Variants in RPTOR observed in about 807,000 individuals in gnomAD.
RPTOR encodes regulatory associated protein of MTOR complex 1, also known as regulatory-associated protein of mTOR.
A neutral mutation model predicts 169.9 loss-of-function variants in RPTOR; 21 were observed. That is an observed-to-expected ratio of 0.12 (90% CI 0.09 to 0.18). RPTOR has a LOEUF of 0.18. Among genes scored for constraint, RPTOR ranks in the 10% least tolerant of loss-of-function variants. The probability of loss-of-function intolerance (pLI) is 1.00; values close to 1 mark genes in which losing one functional copy is unlikely to be tolerated. For missense variants in RPTOR, 1,133 were observed against 1,855.9 expected, an observed-to-expected ratio of 0.61 and a Z score of 7.16; for synonymous variants, 732 against 753.2, an observed-to-expected ratio of 0.97 and a Z score of 0.46.
chr17:80,877,851 G>A (rs142304635), intron 13 of RPTOR, among the ~76,000 whole-genome samples: 3 of 152,150 alleles, frequency 2.0e-5, no homozygotes, highest in South Asian at 2.1e-4. Flanking sequence ...CTGACCACCC[G>A]CTCCCCATCG....
rs78242822 is a variant in RPTOR at position 80,746,849 on chromosome 17, T to C, written c.655-7161T>C. 1.3e-5 allele frequency among the ~76,000 whole-genome samples: 2 copies of C among 150,882 alleles called. No homozygotes were observed. Among genetic ancestry groups the C allele is most frequent in the Non-Finnish European group, 3.0e-5 (2 of 67,586 alleles). ...CATCTGTTGAAATAGTTTTTTTTTTTCCCTTGGGTTAGCAATCCTGAAGAA... is the reference window on the plus strand; with the variant it reads ...CATCTGTTGAAATAGTTTTTTTTTTCCCCTTGGGTTAGCAATCCTGAAGAA... On this transcript the variant is annotated intron_variant, in intron 5 of 33. Coordinates refer to ENST00000306801, the MANE Select transcript of RPTOR (RefSeq NM_020761.3). This position sits in a 1 kb window ranked among gnomAD's most constrained non-coding sequence, Gnocchi z 4.5.
At chr17:80,570,648 A>G (rs938182153) in intron 1 of RPTOR, among the ~76,000 whole-genome samples, 22 of 151,954 alleles carry the variant, frequency 1.4e-4, no homozygotes, top group Admixed American at 1.2e-3. Flanking sequence ...TTTAGTAGAG[A>G]TGGGGTTTTA....
intron 4 of RPTOR, among the ~76,000 whole-genome samples, chr17:80,717,338 T>C (rs2066247651): frequency 1.3e-5 from 2 of 152,196 alleles, no homozygotes; most frequent in Non-Finnish European, 2.9e-5. Context: ...CGCTTTATCA[T>C]GGGTACCTAA....
chr17:80,598,021 A>G (rs2065156712), intron 1 of RPTOR, among the ~76,000 whole-genome samples: 1 of 152,154 alleles, frequency 6.6e-6, no homozygotes, highest in Non-Finnish European at 1.5e-5. Flanking sequence ...GCACACCTGT[A>G]GTCCCAGCTA....
At chr17:80,616,423 C>T (rs918896014) in intron 1 of RPTOR, among the ~76,000 whole-genome samples, 5 of 151,154 alleles carry the variant, frequency 3.3e-5, no homozygotes, top group African/African-American at 7.3e-5. Flanking sequence ...CTCAGTCTCC[C>T]GAGTAGCTGG....
chr17:80,605,863 T>C (rs184278764), intron 1 of RPTOR, among the ~76,000 whole-genome samples: 1 of 152,282 alleles, frequency 6.6e-6, no homozygotes, highest in East Asian at 1.9e-4. Flanking sequence ...GATTTGCTCT[T>C]TGGGCACTGG....
intron 6 of RPTOR, among the ~76,000 whole-genome samples, chr17:80,763,065 G>A (rs12450464): frequency 0.24 from 37,128 of 151,952 alleles, 4,590 homozygotes; most frequent in South Asian, 0.27. Context: ...GGGCAAAACA[G>A]CACGACCCTG....
At chr17:80,825,707 C>T (rs1285785622) in intron 9 of RPTOR, among the ~76,000 whole-genome samples, 2 of 152,212 alleles carry the variant, frequency 1.3e-5, no homozygotes, top group Non-Finnish European at 1.5e-5. Flanking sequence ...CTCTTCCTGA[C>T]GGTCACTGTG....
In RPTOR at chr17:80,966,028, C is replaced by T. The variant is rs1397412867; in HGVS notation, c.*1698C>T. On this transcript the variant is annotated 3_prime_UTR_variant, in exon 34 of 34. Transcript: ENST00000306801. ...ACACGCAGCTTCCCATCCAGTCCTT[C>T]AACTCAATTCTTACCCAACACGCGT... The T allele has an allele frequency of 8.6e-6, 2 of 232,948 alleles. No individual in the cohort carries two copies. The highest frequency in any genetic ancestry group is 1.7e-5 in the Non-Finnish European group (2 of 117,988). 14.4% of individuals were successfully genotyped at this position (232,948 alleles called of 1,614,324 possible).
rs2067317451 is a variant in RPTOR at position 80,815,871 on chromosome 17, G to T, written c.891-6330G>T. Among the ~76,000 whole-genome samples, 2 of 150,478 alleles carry T rather than the reference G, an allele frequency of 1.3e-5. 1 individual carries two copies. Among genetic ancestry groups the T allele is most frequent in the African/African-American group, 5.0e-5 (2 of 40,388 alleles). ...ATCAGGGCTGGACAGTCCGTCACGTGCAGAGCATCCTCCCGACTGGCGAGG... is the reference window on the plus strand; with the variant it reads ...ATCAGGGCTGGACAGTCCGTCACGTTCAGAGCATCCTCCCGACTGGCGAGG... On this transcript the variant is annotated intron_variant, in intron 7 of 33. Transcript: ENST00000306801.
At chr17:80,780,142 G>A (rs1490109286) in intron 6 of RPTOR, among the ~76,000 whole-genome samples, 3 of 152,186 alleles carry the variant, frequency 2.0e-5, no homozygotes, top group African/African-American at 7.2e-5. Context: ...CAGACACACG[G>A]CCCATAAAGC....
rs1290065588 is a variant in RPTOR, at chr17:80,945,707, C to T, written c.3066C>T (p.Asn1022=). ...ACGACCAAATATTTCTGAACAGGAA[C>T]CCCGGCGTCCCCTCTGTGGTGAAAT... ...RLDDQIFLNR[N]PGVPSVVKFH... Residue 1022 remains asparagine (N), a synonymous_variant, in exon 26 of 34, where the codon AAC becomes AAT. Coordinates refer to ENST00000306801, the MANE Select transcript of RPTOR (RefSeq NM_020761.3). 1 of 1,611,952 alleles carries T rather than the reference C, an allele frequency of 6.2e-7. No homozygotes were observed. Among genetic ancestry groups the T allele is most frequent in the Non-Finnish European group, 8.5e-7 (1 of 1,179,240 alleles).
chr17:80,906,204 A>C (rs1598393199), intron 20 of RPTOR, among the ~76,000 whole-genome samples: 1 of 150,260 alleles, frequency 6.7e-6, no homozygotes, highest in Non-Finnish European at 1.5e-5. Flanking sequence ...TAGCCCACCC[A>C]CCCACTCTAA....
At chr17:80,837,661 G>GA (rs924684590) in intron 9 of RPTOR, among the ~76,000 whole-genome samples, 10 of 152,180 alleles carry the variant, frequency 6.6e-5, no homozygotes, top group African/African-American at 2.2e-4. Context: ...ATTTTAAAGA[G>GA]AAAAAATGTG....
intron 3 of RPTOR, among the ~76,000 whole-genome samples, chr17:80,692,497 T>C (rs2066001815): frequency 6.6e-6 from 1 of 152,162 alleles, no homozygotes; most frequent in Non-Finnish European, 1.5e-5. Context: ...AATTTTGTAT[T>C]TTCAGTAGAG....
intron 5 of RPTOR, among the ~76,000 whole-genome samples, chr17:80,736,638 C>T (rs1204469400): frequency 1.3e-5 from 2 of 152,194 alleles, no homozygotes; most frequent in Non-Finnish European, 2.9e-5. Context: ...CTGAAATCTT[C>T]TTCATTTCTT....
At chr17:80,583,188 T>TTTTTTTTTTTTTTG in intron 1 of RPTOR, among the ~76,000 whole-genome samples, 1 of 126,112 alleles carries the variant, frequency 7.9e-6, no homozygotes, top group Non-Finnish European at 1.7e-5. Flanking sequence ...TCCTGTTTTT[T>TTTTTTTTTTTTTTG]TTTTTTTTTT....
chr17:80,717,385 A>G (rs147995610), intron 4 of RPTOR, among the ~76,000 whole-genome samples: 15 of 152,342 alleles, frequency 9.8e-5, no homozygotes, highest in African/African-American at 2.2e-4. Flanking sequence ...TGGTAATTCA[A>G]TGTTCACTGC....
intron 20 of RPTOR, among the ~76,000 whole-genome samples, chr17:80,904,157 G>A (rs1460986434): frequency 6.6e-6 from 1 of 152,234 alleles, no homozygotes; most frequent in Non-Finnish European, 1.5e-5. Flanking sequence ...AGGGAGGGCG[G>A]AGCGGCTGGT....
Sources: allele counts gnomAD v4.1 joint callset (sites outside exome capture counted in the v4.1 genomes callset), GRCh38; gene constraint gnomAD v4.1.1; non-coding constraint Gnocchi (gnomAD v3.1); transcripts MANE v1.5; gene names NCBI Gene and HGNC (gene_info 2026-07-23, HGNC 2026-07-21).